Variants in KIAA1328 observed in about 807,000 individuals in gnomAD.
KIAA1328 encodes the protein protein hinderin.
Under a neutral mutation model 68.1 loss-of-function variants are expected in KIAA1328, and 52 were observed. The observed-to-expected ratio is 0.76, with a 90% CI of 0.61 to 0.96. The LOEUF is 0.96. Ranked by LOEUF, KIAA1328 falls within the 40% of genes least tolerant of loss-of-function variation. The pLI, the probability that KIAA1328 is intolerant of heterozygous loss-of-function variation, is 0.00. For missense variants in KIAA1328, 641 were observed against 677.6 expected (o/e 0.95, Z 0.60); for synonymous variants, 232 against 239.4 (o/e 0.97, Z 0.28).
intron 6 of KIAA1328, among the ~76,000 whole-genome samples, chr18:36,998,285 A>G: frequency 6.6e-6 from 1 of 152,148 alleles, no homozygotes; most frequent in Middle Eastern, 3.2e-3. Flanking sequence ...GTACCAACCT[A>G]TAAGCGCCAC....
chr18:37,137,079 G>A (rs1029403217), intron 7 of KIAA1328, among the ~76,000 whole-genome samples: 1 of 152,064 alleles, frequency 6.6e-6, no homozygotes, highest in Non-Finnish European at 1.5e-5. Context: ...TTAAAATCTA[G>A]TAACACCTTC....
intron 5 of KIAA1328, among the ~76,000 whole-genome samples, chr18:36,940,358 C>T (rs1349845790): frequency 2.0e-5 from 3 of 152,174 alleles, no homozygotes; most frequent in Non-Finnish European, 4.4e-5. Context: ...GTGCTGCTGT[C>T]CCTGGACCAC....
At chr18:36,850,437 G>A (rs1275007179) in intron 4 of KIAA1328, among the ~76,000 whole-genome samples, 1 of 151,898 alleles carries the variant, frequency 6.6e-6, no homozygotes, top group East Asian at 1.9e-4. Flanking sequence ...TCCCTTATCA[G>A]GGAATATGTT....
Position 37,025,128 on chromosome 18 carries a change from T to A in KIAA1328, c.577-41762T>A, listed in dbSNP as rs2054515999. Among the ~76,000 whole-genome samples, 3 of 152,118 alleles carry A rather than the reference T, an allele frequency of 2.0e-5. No individual in the cohort carries two copies. The South Asian group carries it at 6.2e-4, about 32-fold the overall frequency. ...TTGATTGAATTTCTCTGATGGCCAG[T>A]GATGATGAGCATTTTTTCTGAAGGG... On this transcript the variant is annotated intron_variant, in intron 6 of 9. Transcript: ENST00000280020.
intron 9 of KIAA1328, among the ~76,000 whole-genome samples, chr18:37,186,463 A>T (rs2059802377): frequency 6.9e-6 from 1 of 145,796 alleles, no homozygotes. Context: ...GCTACTCGGG[A>T]GGCTGAGGTG....
chr18:37,096,450 G>A (rs1375435543), intron 7 of KIAA1328, among the ~76,000 whole-genome samples: 2 of 152,100 alleles, frequency 1.3e-5, no homozygotes, highest in African/African-American at 4.8e-5. Flanking sequence ...GTGTATATGT[G>A]CCACATTTTC....
At chr18:37,136,566 T>A (rs2058650096) in intron 7 of KIAA1328, among the ~76,000 whole-genome samples, 1 of 152,244 alleles carries the variant, frequency 6.6e-6, no homozygotes, top group Non-Finnish European at 1.5e-5. Context: ...CAAATTATAC[T>A]TGTTTCATCA....
intron 7 of KIAA1328, among the ~76,000 whole-genome samples, chr18:37,116,020 C>G (rs566212002): frequency 6.6e-6 from 1 of 152,284 alleles, no homozygotes; most frequent in Non-Finnish European, 1.5e-5. Flanking sequence ...AGGACACAAA[C>G]AAATGGAAGA....
intron 5 of KIAA1328, chr18:36,946,504 A>G (rs2050906815): frequency 6.6e-6 from 1 of 152,194 alleles, no homozygotes. Flanking sequence ...TTTGCTTTCC[A>G]ACAAGACCCA....
intron 6 of KIAA1328, among the ~76,000 whole-genome samples, chr18:37,022,917 A>G (rs2054402683): frequency 6.6e-6 from 1 of 152,204 alleles, no homozygotes; most frequent in Admixed American, 6.5e-5. Flanking sequence ...CCTCAGGAAA[A>G]TAATTTGAGT....
At chr18:36,846,323 TC>T (rs941630237) in intron 4 of KIAA1328, among the ~76,000 whole-genome samples, 1 of 151,526 alleles carries the variant, frequency 6.6e-6, no homozygotes, top group African/African-American at 2.4e-5. Flanking sequence ...ACTATATATT[TC>T]CCCCTTGTCA....
chr18:37,164,613 G>T (rs537610310), intron 8 of KIAA1328, among the ~76,000 whole-genome samples: 2 of 152,254 alleles, frequency 1.3e-5, no homozygotes, highest in South Asian at 2.1e-4. Flanking sequence ...GGGTGTGGTG[G>T]CACATACCTG....
In KIAA1328 at chr18:37,169,136, T is replaced by TTTTATTTA. The variant is rs202034975; in HGVS notation, c.1415-3811_1415-3804dup. Among the ~76,000 whole-genome samples the TTTTATTTA allele has an allele frequency of 5.5e-3, 820 of 148,968 alleles. 6 individuals carry two copies. The highest frequency in any genetic ancestry group is 0.021 in the South Asian group (100 of 4,764). ...TAGCCTAGTAATATTCTTAACAGCA[T>TTTTATTTA]TTTATTTATTTATTTATTTATTTAT... On this transcript the variant is annotated intron_variant, in intron 8 of 9. Coordinates refer to ENST00000280020, the MANE Select transcript of KIAA1328 (RefSeq NM_020776.3).
chr18:37,150,455 A>G (rs771911579), intron 7 of KIAA1328, among the ~76,000 whole-genome samples: 13 of 152,136 alleles, frequency 8.5e-5, no homozygotes, highest in Admixed American at 3.9e-4. Flanking sequence ...ACTGGACTAT[A>G]GGAAGAAGGA....
chr18:37,151,538 G>A (rs1277225623), intron 7 of KIAA1328, among the ~76,000 whole-genome samples: 1 of 152,124 alleles, frequency 6.6e-6, no homozygotes, highest in African/African-American at 2.4e-5. Flanking sequence ...GTAAATTAAA[G>A]TTATGTAATC....
At chr18:37,016,855 CTTCTT>C (rs1471782732) in intron 6 of KIAA1328, among the ~76,000 whole-genome samples, 2 of 152,180 alleles carry the variant, frequency 1.3e-5, no homozygotes, top group African/African-American at 4.8e-5. Context: ...GATCTTCTCT[CTTCTT>C]TTCTTTATTA....
At chr18:36,907,217 A>G (rs761742136) in intron 5 of KIAA1328, among the ~76,000 whole-genome samples, 10 of 151,976 alleles carry the variant, frequency 6.6e-5, no homozygotes, top group Admixed American at 4.6e-4. Flanking sequence ...TATGTGAGCA[A>G]TTGTGTTATC....
At chr18:37,076,112 T>A (rs1357618434) in intron 7 of KIAA1328, among the ~76,000 whole-genome samples, 3 of 151,494 alleles carry the variant, frequency 2.0e-5, no homozygotes, top group Admixed American at 1.3e-4. Flanking sequence ...ATGTAAAAGA[T>A]CAGAAATTAT....
intron 5 of KIAA1328, among the ~76,000 whole-genome samples, chr18:36,917,287 C>T (rs1007097488): frequency 1.2e-4 from 19 of 152,112 alleles, no homozygotes; most frequent in African/African-American, 4.6e-4. Context: ...TGTTAAGAGG[C>T]AGGGTCTTGC....
Sources: allele counts gnomAD v4.1 joint callset (sites outside exome capture counted in the v4.1 genomes callset), GRCh38; gene constraint gnomAD v4.1.1; transcripts MANE v1.5; gene names NCBI Gene and HGNC (gene_info 2026-07-23, HGNC 2026-07-21).